Variants in LINGO2 observed in about 807,000 individuals in gnomAD.
The protein encoded by LINGO2 is leucine rich repeat and Ig domain containing 2, also known as leucine-rich repeat and immunoglobulin-like domain-containing nogo receptor-interacting protein 2.
Under a neutral mutation model 30.6 loss-of-function variants are expected in LINGO2, and 14 were observed. The ratio of observed to expected loss-of-function variants is 0.46; its 90% confidence interval spans 0.30 to 0.72. LINGO2 has a LOEUF of 0.72. LINGO2 is among the 30% of genes least tolerant of loss of function. The probability of loss-of-function intolerance (pLI) is 0.07; values close to 1 mark genes in which losing one functional copy is unlikely to be tolerated. For synonymous variants in LINGO2, 317 were observed against 288.5 expected (o/e 1.10, Z -1.00); for missense variants, 729 against 751.7 (o/e 0.97, Z 0.35).
At chr9:29,127,063 A>G in the LINGO2 span, among the ~76,000 whole-genome samples, 3 of 152,066 alleles carry the variant, frequency 2.0e-5, no homozygotes, top group Non-Finnish European at 4.4e-5. Flanking sequence ...GTCACCTTCC[A>G]TGACCAATCA....
the LINGO2 span, among the ~76,000 whole-genome samples, chr9:28,922,114 A>G: frequency 6.6e-6 from 1 of 152,174 alleles, no homozygotes; most frequent in African/African-American, 2.4e-5. Context: ...ACATTTCTGC[A>G]TATCCTCTTT....
At chr9:28,399,348 T>C (rs937589595) in intron 2 of LINGO2, among the ~76,000 whole-genome samples, 5 of 152,196 alleles carry the variant, frequency 3.3e-5, no homozygotes, top group African/African-American at 1.2e-4. Context: ...ACAAATATTT[T>C]TGTCATAACA....
the LINGO2 span, among the ~76,000 whole-genome samples, chr9:28,989,731 G>GAGTGTAT: frequency 2.0e-5 from 3 of 152,246 alleles, no homozygotes. Flanking sequence ...TCTTCTTAGG[G>GAGTGTAT]ACACAGCTAA....
intron 3 of LINGO2, among the ~76,000 whole-genome samples, chr9:28,370,068 G>A (rs978953286): frequency 3.3e-5 from 5 of 152,194 alleles, no homozygotes; most frequent in Middle Eastern, 3.4e-3. Flanking sequence ...ACACAGGAAG[G>A]ACAAAAGGAA....
chr9:28,209,376 C>A (rs1434216222), intron 4 of LINGO2, among the ~76,000 whole-genome samples: 2 of 151,828 alleles, frequency 1.3e-5, no homozygotes, highest in African/African-American at 4.8e-5. Context: ...AAGACACTTC[C>A]CACTAGCTCT....
intron 4 of LINGO2, among the ~76,000 whole-genome samples, chr9:28,215,915 A>G (rs1041146743): frequency 1.3e-5 from 2 of 151,932 alleles, no homozygotes; most frequent in Non-Finnish European, 2.9e-5. Context: ...AGAATAAAGA[A>G]GCAAACACTG....
chr9:28,445,242 T>C (rs1824376013), intron 2 of LINGO2, among the ~76,000 whole-genome samples: 1 of 152,244 alleles, frequency 6.6e-6, no homozygotes, highest in Non-Finnish European at 1.5e-5. Flanking sequence ...TCAATGGGAA[T>C]GGTGGTTTCT....
chr9:28,494,032 T>A (rs1397144681), intron 1 of LINGO2, among the ~76,000 whole-genome samples: 1 of 152,142 alleles, frequency 6.6e-6, no homozygotes, highest in Non-Finnish European at 1.5e-5. Context: ...TATATACATC[T>A]ATGCTATTAG....
chr9:29,114,331 C>G, the LINGO2 span, among the ~76,000 whole-genome samples: 1 of 150,996 alleles, frequency 6.6e-6, no homozygotes, highest in Non-Finnish European at 1.5e-5. Context: ...TGCAGAGAAC[C>G]AAGTCCACCC....
intron 2 of LINGO2, among the ~76,000 whole-genome samples, chr9:28,459,628 C>A (rs1392000201): frequency 6.6e-6 from 1 of 151,918 alleles, no homozygotes; most frequent in Admixed American, 6.6e-5. Flanking sequence ...TCCTTAGAAT[C>A]AGAAATAATA....
the LINGO2 span, chr9:27,937,782 C>T: frequency 6.6e-5 from 10 of 152,010 alleles, no homozygotes; most frequent in Non-Finnish European, 1.3e-4. Context: ...GACACCAAGA[C>T]AATAGGGCTT....
the LINGO2 span, among the ~76,000 whole-genome samples, chr9:28,917,756 A>T: frequency 0.023 from 3,437 of 152,218 alleles, 137 homozygotes; most frequent in African/African-American, 0.079. Context: ...GAGTAAAGCA[A>T]GAGAAAGCTT....
chr9:28,638,749 G>T (rs1234227836), intron 1 of LINGO2, among the ~76,000 whole-genome samples: 1 of 151,870 alleles, frequency 6.6e-6, no homozygotes, highest in African/African-American at 2.4e-5. Context: ...TATCAATTTT[G>T]TTGCTCTTTT....
intron 3 of LINGO2, among the ~76,000 whole-genome samples, chr9:28,298,683 CA>C (rs74180794): frequency 0.13 from 15,158 of 113,078 alleles, 875 homozygotes; most frequent in Middle Eastern, 0.31. Flanking sequence ...AACTCTGTCT[CA>C]AAAAAAAAAA....
chr9:28,231,225 C>T (rs1242806311), intron 4 of LINGO2, among the ~76,000 whole-genome samples: 2 of 151,638 alleles, frequency 1.3e-5, no homozygotes, highest in African/African-American at 4.8e-5. Flanking sequence ...GATATTATTA[C>T]ATTGGAAGGT....
the LINGO2 span, among the ~76,000 whole-genome samples, chr9:29,053,313 GT>G: frequency 1.3e-5 from 2 of 152,156 alleles, no homozygotes; most frequent in African/African-American, 2.4e-5. Flanking sequence ...TATATGGATA[GT>G]TTCTGTTTGA....
At chr9:28,647,896 T>C (rs1389565446) in intron 1 of LINGO2, among the ~76,000 whole-genome samples, 7 of 110,278 alleles carry the variant, frequency 6.3e-5, no homozygotes, top group Non-Finnish European at 3.6e-5. Flanking sequence ...TTTCTTTCTT[T>C]TTTTTTTTTT....
At chr9:29,202,180 A>AAAT in the LINGO2 span, among the ~76,000 whole-genome samples, 1 of 151,816 alleles carries the variant, frequency 6.6e-6, no homozygotes, top group African/African-American at 2.4e-5. Flanking sequence ...CAATGAACAA[A>AAAT]AATAATAATA....
chr9:28,592,569 T>G (rs1308531775), intron 1 of LINGO2, among the ~76,000 whole-genome samples: 4 of 152,090 alleles, frequency 2.6e-5, no homozygotes, highest in Non-Finnish European at 5.9e-5. Flanking sequence ...AAATGGTGCC[T>G]CTCTCAGCAA....
Sources: gnomAD v4.1 joint callset for allele counts (sites outside exome capture counted in the v4.1 genomes callset) on GRCh38, gnomAD v4.1.1 for gene constraint, MANE v1.5 for transcripts, NCBI Gene and HGNC (gene_info 2026-07-23, HGNC 2026-07-21) for gene names.